EXOC4: variants seen among roughly 807,000 people sequenced by gnomAD.
EXOC4 encodes the protein exocyst complex component 4.
EXOC4 carries 71 observed loss-of-function variants against 107.2 expected under a neutral mutation model. The ratio of observed to expected loss-of-function variants is 0.66; its 90% CI spans 0.55 to 0.81. The LOEUF (loss-of-function observed/expected upper bound fraction) is 0.81. Ranked by LOEUF, EXOC4 falls within the 30% of genes least tolerant of loss-of-function variation. The probability of loss-of-function intolerance (pLI) is 0.00; values close to 1 mark genes in which losing one functional copy is unlikely to be tolerated. For missense variants in EXOC4, 1,108 were observed against 1,189.6 expected (o/e 0.93, Z 1.01); for synonymous variants, 456 against 441.2 (o/e 1.03, Z -0.42).
At chr7:133,571,408 C>A (rs1313129449) in intron 9 of EXOC4, among the ~76,000 whole-genome samples, 1 of 152,178 alleles carries the variant, frequency 6.6e-6, no homozygotes, top group African/African-American at 2.4e-5. Flanking sequence ...GGCCCAGTGG[C>A]TTATGCCTGT....
chr7:133,825,845 T>G (rs1418568145), intron 11 of EXOC4, among the ~76,000 whole-genome samples: 1 of 152,118 alleles, frequency 6.6e-6, no homozygotes, highest in Non-Finnish European at 1.5e-5. Flanking sequence ...TCAATTGATT[T>G]TTTTTCCCCC....
chr7:133,917,311 C>T (rs1215687704), intron 12 of EXOC4, among the ~76,000 whole-genome samples: 3 of 152,062 alleles, frequency 2.0e-5, no homozygotes, highest in Non-Finnish European at 2.9e-5. Flanking sequence ...TTTTATTTAT[C>T]CTAAGGGATC....
chr7:133,634,759 G>T (rs966610116), intron 10 of EXOC4, among the ~76,000 whole-genome samples: 1 of 152,248 alleles, frequency 6.6e-6, no homozygotes, highest in East Asian at 1.9e-4. Flanking sequence ...TGAGATTACA[G>T]GTGTGAGCCA....
At chr7:133,964,365 C>T (rs1269866464) in intron 14 of EXOC4, among the ~76,000 whole-genome samples, 1 of 151,764 alleles carries the variant, frequency 6.6e-6, no homozygotes, top group Admixed American at 6.6e-5. Context: ...TTCTGGGATA[C>T]ATGTGCAGAA....
chr7:133,953,508 G>T (rs1585274448), intron 14 of EXOC4, among the ~76,000 whole-genome samples: 1 of 151,990 alleles, frequency 6.6e-6, no homozygotes, highest in Non-Finnish European at 1.5e-5. Flanking sequence ...TTAATTAGCT[G>T]GGCATGGTCA....
intron 5 of EXOC4, among the ~76,000 whole-genome samples, chr7:133,328,370 A>G (rs1795298986): frequency 6.6e-6 from 1 of 151,862 alleles, no homozygotes; most frequent in African/African-American, 2.4e-5. Flanking sequence ...CTGGGTCTTG[A>G]CTTTTTATCC....
At chr7:133,456,811 G>A (rs1584931921) in intron 7 of EXOC4, among the ~76,000 whole-genome samples, 1 of 152,140 alleles carries the variant, frequency 6.6e-6, no homozygotes, top group Non-Finnish European at 1.5e-5. Flanking sequence ...CACACAGAAA[G>A]CACTCATAAA....
chr7:133,998,536 G>C (rs1478088050), intron 15 of EXOC4, among the ~76,000 whole-genome samples: 2 of 152,154 alleles, frequency 1.3e-5, no homozygotes, highest in African/African-American at 4.8e-5. Flanking sequence ...GGTTTTAAGA[G>C]CAGAGAGGAG....
In EXOC4 at chr7:133,306,142, G is replaced by A. The variant is rs1165336174; in HGVS notation, c.656+81G>A. On this transcript the variant is annotated intron_variant, in intron 4 of 17. Coordinates refer to ENST00000253861, the MANE Select transcript of EXOC4 (RefSeq NM_021807.4). Reference sequence around the variant, plus strand: ...ATTTTTTGTTTCCCAGAATGTTGTTGTAATTTATTTTACTTTTCCTTTAAT... The same window carrying A: ...ATTTTTTGTTTCCCAGAATGTTGTTATAATTTATTTTACTTTTCCTTTAAT... The A allele has an allele frequency of 2.4e-6, 3 of 1,235,100 alleles. No homozygotes were observed. In the East Asian group the frequency reaches 7.9e-5, roughly 33 times the overall value. The allele number at this position is 1,235,100 out of a possible 1,614,324, so 76.5% of individuals were successfully genotyped here. A position where few individuals can be genotyped will look rare whatever the true frequency, so the allele number is the denominator to read the frequency against.
In EXOC4 at chr7:133,510,988, T is replaced by C. The variant is rs550015035; in HGVS notation, c.1417+30850T>C. On this transcript the variant is annotated intron_variant, in intron 9 of 17. Coordinates refer to ENST00000253861, the MANE Select transcript of EXOC4 (RefSeq NM_021807.4). ...AAAAGAAGGAAAAGCCGAAAGAGTA[T>C]ATCCACAAGATCTGCATCATTTTTT... 1.4e-4 allele frequency among the ~76,000 whole-genome samples: 22 copies of C among 152,304 alleles called. No individual in the cohort carries two copies. In the South Asian group the frequency reaches 4.1e-3, roughly 29 times the overall value.
intron 1 of EXOC4, among the ~76,000 whole-genome samples, chr7:133,258,419 T>C (rs796107188): frequency 3.9e-5 from 6 of 152,324 alleles, no homozygotes; most frequent in African/African-American, 1.4e-4. Flanking sequence ...GGTTGTGTGT[T>C]GTAGTTGAAA....
intron 9 of EXOC4, among the ~76,000 whole-genome samples, chr7:133,625,283 A>G (rs1198100700): frequency 6.6e-6 from 1 of 152,252 alleles, no homozygotes; most frequent in Non-Finnish European, 1.5e-5. Context: ...GAATGCCCTT[A>G]TCTACGTTAC....
intron 9 of EXOC4, among the ~76,000 whole-genome samples, chr7:133,583,102 T>A (rs1302210404): frequency 6.6e-6 from 1 of 152,248 alleles, no homozygotes; most frequent in Non-Finnish European, 1.5e-5. Context: ...AATTTTACAA[T>A]ATTTTTCTTT....
intron 7 of EXOC4, among the ~76,000 whole-genome samples, chr7:133,403,712 T>C (rs549775992): frequency 6.6e-6 from 1 of 152,252 alleles, no homozygotes; most frequent in South Asian, 2.1e-4. Context: ...GGAGGATTGC[T>C]TGAGCCTAGG....
At chr7:133,658,455 C>T (rs1361744453) in intron 10 of EXOC4, among the ~76,000 whole-genome samples, 4 of 152,110 alleles carry the variant, frequency 2.6e-5, no homozygotes, top group Non-Finnish European at 4.4e-5. Flanking sequence ...CTGTCCCTGC[C>T]GAATATCCTC....
intron 9 of EXOC4, among the ~76,000 whole-genome samples, chr7:133,570,256 C>T (rs968259573): frequency 1.3e-5 from 2 of 152,130 alleles, no homozygotes; most frequent in African/African-American, 4.8e-5. Context: ...GCTTTTTAGA[C>T]TGAAGATTGG....
At chr7:133,298,199 G>GA (rs1234764827) in intron 3 of EXOC4, among the ~76,000 whole-genome samples, 4 of 152,132 alleles carry the variant, frequency 2.6e-5, no homozygotes, top group African/African-American at 9.6e-5. Flanking sequence ...CTCTTGAAAT[G>GA]AAAAACGCCA....
intron 17 of EXOC4, among the ~76,000 whole-genome samples, chr7:134,063,571 G>A (rs190925071): frequency 2.1e-3 from 318 of 152,222 alleles, no homozygotes; most frequent in African/African-American, 7.4e-3. Flanking sequence ...GGGGTAAGTG[G>A]CACAGTGCTC....
Position 133,976,226 on chromosome 7 carries a change from G to GAATATAATGTTAAGA in EXOC4, c.2207-21263_2207-21249dup, listed in dbSNP as rs372919690. The stretch of plus-strand genomic sequence containing the variant: ...TAGGTCCACAGATTGGTGAAGTAGT[G>GAATATAATGTTAAGA]AATATAATGTTAAGAAAAAGCAGAA... On this transcript the variant is annotated intron_variant, in intron 14 of 17. Coordinates refer to ENST00000253861, the MANE Select transcript of EXOC4 (RefSeq NM_021807.4). Among the ~76,000 whole-genome samples, 363 of 152,254 alleles carry GAATATAATGTTAAGA rather than the reference G, an allele frequency of 2.4e-3. 5 individuals are homozygous for GAATATAATGTTAAGA. The highest frequency in any genetic ancestry group is 8.2e-3 in the African/African-American group (339 of 41,550).
Sources: gnomAD v4.1 joint callset for allele counts (sites outside exome capture counted in the v4.1 genomes callset) on GRCh38, gnomAD v4.1.1 for gene constraint, MANE v1.5 for transcripts, NCBI Gene and HGNC (gene_info 2026-07-23, HGNC 2026-07-21) for gene names.